ACTR3B: variants seen among roughly 807,000 people sequenced by gnomAD.
ACTR3B encodes actin related protein 3B, also known as actin-related protein 3B.
ACTR3B carries 8 observed loss-of-function variants against 59.0 expected under a neutral mutation model. The ratio of observed to expected loss-of-function variants is 0.14; its 90% CI spans 0.08 to 0.24. The LOEUF is 0.24. Ranked by LOEUF, ACTR3B falls within the 10% of genes least tolerant of loss-of-function variation. The pLI, the probability that ACTR3B is intolerant of heterozygous loss-of-function variation, is 1.00. For synonymous variants in ACTR3B, 148 were observed against 197.9 expected (o/e 0.75, Z 2.12); for missense variants, 245 against 552.3 (o/e 0.44, Z 5.58).
At chr7:152,844,270 C>T (rs1023065720) in intron 9 of ACTR3B, among the ~76,000 whole-genome samples, 3 of 152,094 alleles carry the variant, frequency 2.0e-5, no homozygotes, top group Non-Finnish European at 2.9e-5. Context: ...GTTGGCCAGG[C>T]TGGTCTCTAA....
intron 9 of ACTR3B, among the ~76,000 whole-genome samples, chr7:152,836,686 G>A (rs956599161): frequency 3.3e-5 from 5 of 152,142 alleles, no homozygotes; most frequent in Non-Finnish European, 7.3e-5. Context: ...TAGATGAATA[G>A]GGCATTTTAA....
chr7:152,778,832 A>G (rs767098479), intron 1 of ACTR3B, among the ~76,000 whole-genome samples: 1 of 151,184 alleles, frequency 6.6e-6, no homozygotes, highest in Non-Finnish European at 1.5e-5. Flanking sequence ...GGTCCCAGCT[A>G]CTTGGGAGGC....
chr7:152,851,527 G>C (rs566280369), intron 9 of ACTR3B, among the ~76,000 whole-genome samples: 24 of 152,232 alleles, frequency 1.6e-4, no homozygotes, highest in Non-Finnish European at 3.2e-4. Flanking sequence ...TGGACAGAGG[G>C]CTGGTTCGGG....
intron 4 of ACTR3B, among the ~76,000 whole-genome samples, chr7:152,808,086 A>G (rs1037555938): frequency 1.3e-5 from 2 of 152,008 alleles, no homozygotes; most frequent in Non-Finnish European, 2.9e-5. Flanking sequence ...GTCTCTATAC[A>G]TTTGATGACT....
At chr7:152,845,198 A>G (rs938849937) in intron 9 of ACTR3B, among the ~76,000 whole-genome samples, 3 of 150,752 alleles carry the variant, frequency 2.0e-5, no homozygotes, top group Admixed American at 6.6e-5. Context: ...GGGTAATATA[A>G]TATACGTTAT....
At chr7:152,767,530 G>A (rs2098114031) in intron 1 of ACTR3B, among the ~76,000 whole-genome samples, 1 of 152,154 alleles carries the variant, frequency 6.6e-6, no homozygotes, top group Non-Finnish European at 1.5e-5. Flanking sequence ...GGGAGAGAAA[G>A]CCTGATGGCA....
Position 152,780,648 on chromosome 7 carries a change from A to G in ACTR3B, c.45-2539A>G, listed in dbSNP as rs367620602. ...TGGGCCATAGTTATGATTTCAGGGT[A>G]CAAAACTTTGGGATGGAAATGAGGC... On this transcript the variant is annotated intron_variant, in intron 1 of 11. Transcript: ENST00000256001. Among the ~76,000 whole-genome samples, 25 of 151,406 alleles carry G rather than the reference A, an allele frequency of 1.7e-4. 1 individual carries two copies. In the South Asian group the frequency reaches 2.5e-3, roughly 15 times the overall value.
At chr7:152,778,377 G>A (rs7801883) in intron 1 of ACTR3B, among the ~76,000 whole-genome samples, 116,790 of 151,546 alleles carry the variant, frequency 0.77, 45,124 homozygotes, top group East Asian at 0.88. Context: ...CTGGGACTGC[G>A]GGCACGTGCC....
At chr7:152,764,623 G>T (rs2098102235) in intron 1 of ACTR3B, among the ~76,000 whole-genome samples, 1 of 148,986 alleles carries the variant, frequency 6.7e-6, no homozygotes, top group African/African-American at 2.5e-5. Context: ...CTCCAGCCTG[G>T]CAACAGCGAG....
At chr7:152,804,119 C>T (rs1276837385) in intron 4 of ACTR3B, among the ~76,000 whole-genome samples, 1 of 152,092 alleles carries the variant, frequency 6.6e-6, no homozygotes, top group African/African-American at 2.4e-5. Flanking sequence ...AGCTCCTTGC[C>T]ACTGACTGTT....
At chr7:152,762,093 A>G (rs917499818) in intron 1 of ACTR3B, among the ~76,000 whole-genome samples, 4 of 152,208 alleles carry the variant, frequency 2.6e-5, no homozygotes, top group African/African-American at 7.2e-5. Flanking sequence ...GATTTATTGG[A>G]CAGTGTGATA....
In ACTR3B at chr7:152,814,546, A is replaced by C. The variant is rs1420290999; in HGVS notation, c.337-4A>C. The stretch of plus-strand genomic sequence containing the variant: ...CACTAAATATAGTGAATGTTTTCTT[A>C]CAGACAGAACCTCCACTCAATACAC... On this transcript the variant is annotated splice_polypyrimidine_tract_variant and splice_region_variant and intron_variant, in intron 4 of 11. Coordinates refer to ENST00000256001, the MANE Select transcript of ACTR3B (RefSeq NM_020445.6). 6.3e-7 allele frequency: 1 copy of C among 1,596,648 alleles called. No individual in the cohort carries two copies. Among genetic ancestry groups the C allele is most frequent in the Non-Finnish European group, 8.6e-7 (1 of 1,166,404 alleles).
chr7:152,807,175 C>T (rs1207312280), intron 4 of ACTR3B, among the ~76,000 whole-genome samples: 1 of 152,150 alleles, frequency 6.6e-6, no homozygotes, highest in Non-Finnish European at 1.5e-5. Flanking sequence ...TAACACTTCA[C>T]ATAGAGATCA....
rs1225331557 is a variant in ACTR3B, at chr7:152,779,002, TCTTCTGAA to T, written c.45-4177_45-4170del. 1.7e-4 allele frequency among the ~76,000 whole-genome samples: 25 copies of T among 145,154 alleles called. 1 individual carries two copies. Among genetic ancestry groups the T allele is most frequent in the African/African-American group, 6.1e-4 (24 of 39,078 alleles). ...AAAAAAAAAGGACATATGAGTTATT[TCTTCTGAA>T]CTTCTGACCAGTATTAAACTTCAGT... is the stretch of plus-strand genomic sequence containing the variant. On this transcript the variant is annotated intron_variant, in intron 1 of 11. Transcript: ENST00000256001.
intron 1 of ACTR3B, among the ~76,000 whole-genome samples, chr7:152,774,129 T>G (rs1446716305): frequency 6.6e-6 from 1 of 152,204 alleles, no homozygotes; most frequent in Non-Finnish European, 1.5e-5. Flanking sequence ...AATATTGCTT[T>G]AAAATTTTTT....
chr7:152,837,294 A>G lies in ACTR3B; in HGVS notation c.951+12172A>G, dbSNP rs370977901. Among the ~76,000 whole-genome samples the G allele has an allele frequency of 5.9e-5, 9 of 152,278 alleles. No homozygotes were observed. The East Asian group carries it at 1.3e-3, about 23-fold the overall frequency. ...GTTGCTTTACTTTGAGATGAGTTGG[A>G]AAGAATACATTTATTGGTAATTTCA... is the stretch of plus-strand genomic sequence containing the variant. On this transcript the variant is annotated intron_variant, in intron 9 of 11. Transcript: ENST00000256001.
intron 9 of ACTR3B, among the ~76,000 whole-genome samples, chr7:152,843,412 A>G (rs1424226726): frequency 6.6e-6 from 1 of 152,246 alleles, no homozygotes; most frequent in East Asian, 1.9e-4. Flanking sequence ...ATGGATATCA[A>G]TTATTCCCAC....
chr7:152,838,814 G>A (rs1289184521), intron 9 of ACTR3B, among the ~76,000 whole-genome samples: 1 of 152,174 alleles, frequency 6.6e-6, no homozygotes, highest in African/African-American at 2.4e-5. Context: ...CTCAAGGCCA[G>A]GGTTCCACTT....
At chr7:152,781,842 C>T (rs1446130459) in intron 1 of ACTR3B, among the ~76,000 whole-genome samples, 1 of 152,116 alleles carries the variant, frequency 6.6e-6, no homozygotes, top group African/African-American at 2.4e-5. Flanking sequence ...GGTAGGTCCA[C>T]TTGGCCTTGT....
Sources: allele counts gnomAD v4.1 joint callset (sites outside exome capture counted in the v4.1 genomes callset), GRCh38; gene constraint gnomAD v4.1.1; transcripts MANE v1.5; gene names NCBI Gene and HGNC (gene_info 2026-07-23, HGNC 2026-07-21).